PRSS56: variants seen among roughly 807,000 people sequenced by gnomAD.
The protein encoded by PRSS56 is protease, serine 56.
PRSS56 carries 55 observed loss-of-function variants against 66.8 expected under a neutral mutation model. That is an observed-to-expected ratio of 0.82 (90% CI 0.66 to 1.03). The LOEUF (loss-of-function observed/expected upper bound fraction) is 1.03. Ranked by LOEUF, PRSS56 falls within the 50% of genes least tolerant of loss-of-function variation. The pLI is 0.00. For missense variants in PRSS56, 869 were observed against 837.2 expected, an observed-to-expected ratio of 1.04 and a Z score of -0.47; for synonymous variants, 409 against 387.9, an observed-to-expected ratio of 1.05 and a Z score of -0.64.
chr2:232,523,018 C>T lies in PRSS56; in HGVS notation c.707-42C>T, dbSNP rs907431050. The T allele has an allele frequency of 2.6e-6, 4 of 1,526,820 alleles. No homozygotes were observed. The East Asian group carries it at 9.8e-5, about 37-fold the overall frequency. The allele number at this position is 1,526,820 out of a possible 1,614,324, so 94.6% of individuals were successfully genotyped here. Reference sequence around the variant, plus strand: ...TGGGAAGGGGACCCTCAAGGCGGGGCTCTTGCCCTCCAAACCTGAGCCTTC... The same window carrying T: ...TGGGAAGGGGACCCTCAAGGCGGGGTTCTTGCCCTCCAAACCTGAGCCTTC... On this transcript the variant is annotated intron_variant, in intron 6 of 12. Coordinates refer to ENST00000617714, the MANE Select transcript of PRSS56 (RefSeq NM_001195129.2).
chr2:232,523,976 G>T (rs79792358), intron 9 of PRSS56, 31 bp downstream of exon 9: 2 of 1,521,762 alleles, frequency 1.3e-6, no homozygotes, highest in East Asian at 2.5e-5. Flanking sequence ...CCCGGACGGG[G>T]GGCAGAGGGG....
In PRSS56 at chr2:232,522,692, C is replaced by G; in HGVS notation, c.547-10C>G. ...GCTTCCTTGACCCTGCGCCGCCTCC[C>G]CCTCCTCAGTTTGACCCGCGGACCT... is the stretch of plus-strand genomic sequence containing the variant. On this transcript the variant is annotated splice_polypyrimidine_tract_variant and intron_variant, in intron 5 of 12. Coordinates refer to ENST00000617714, the MANE Select transcript of PRSS56 (RefSeq NM_001195129.2). 2.6e-6 allele frequency: 4 copies of G among 1,533,958 alleles called. No homozygotes were observed. The highest frequency in any genetic ancestry group is 2.0e-5 in the Admixed American group (1 of 50,844).
Position 232,523,558 on chromosome 2 carries a change from G to A in PRSS56, c.992G>A (p.Trp331Ter). The A allele has an allele frequency of 6.5e-7, 1 of 1,529,274 alleles. No homozygotes were observed. Among genetic ancestry groups the A allele is most frequent in the Non-Finnish European group, 8.7e-7 (1 of 1,144,494 alleles). 94.7% of individuals were successfully genotyped at this position (1,529,274 alleles called of 1,614,324 possible). The change falls in exon 8 of 13, where the codon TGG becomes TAG. Residue 331 changes from tryptophan (W) to a stop codon, truncating the protein, a stop_gained. Transcript: ENST00000617714. LOFTEE classifies it high-confidence loss of function. The part of the protein sequence containing the change: ...VYTRVAVFKD[W>*]LQEQMSASSS... Reference sequence around the variant, plus strand: ...ACCCGCGTGGCAGTGTTCAAGGACTGGCTCCAGGAGCAGATGAGCGGTGAG... The same window carrying A: ...ACCCGCGTGGCAGTGTTCAAGGACTAGCTCCAGGAGCAGATGAGCGGTGAG...
At position 232,523,760 on chromosome 2, in the gene PRSS56, C is replaced by G; in HGVS notation, c.1013-12C>G. The stretch of plus-strand genomic sequence containing the variant: ...ACAGAGGGTGAGCTGACCCCTGTCC[C>G]GCCCGCAGCAGCCTCCTCCAGCCGC... On this transcript the variant is annotated splice_polypyrimidine_tract_variant and intron_variant, in intron 8 of 12. Transcript: ENST00000617714. 6.5e-7 allele frequency: 1 copy of G among 1,533,968 alleles called. No individual in the cohort carries two copies. The highest frequency in any genetic ancestry group is 8.7e-7 in the Non-Finnish European group (1 of 1,146,686).
chr2:232,522,468 G>T (rs1446929105), intron 4 of PRSS56, 47 bp from the exon 5 acceptor site: 20 of 1,454,428 alleles, frequency 1.4e-5, no homozygotes, highest in Non-Finnish European at 1.8e-5. Flanking sequence ...GGGCCTGCGG[G>T]GTGTGCCCCT....
chr2:232,525,237 A>T lies in PRSS56; in HGVS notation c.1543A>T (p.Lys515Ter), dbSNP rs1691398644. 6.6e-7 allele frequency: 1 copy of T among 1,507,512 alleles called. No homozygotes were observed. The highest frequency in any genetic ancestry group is 8.8e-7 in the Non-Finnish European group (1 of 1,131,940). The allele number at this position is 1,507,512 out of a possible 1,614,324, so 93.4% of individuals were successfully genotyped here. A position where few individuals can be genotyped will look rare whatever the true frequency, so the allele number is the denominator to read the frequency against. The change falls in exon 13 of 13, where the codon AAG (lysine) becomes TAG (stop). Residue 515 changes from lysine (K) to a stop codon, truncating the protein, a stop_gained. Coordinates refer to ENST00000617714, the MANE Select transcript of PRSS56 (RefSeq NM_001195129.2). LOFTEE classifies it low-confidence loss of function (END_TRUNC). ...FHEVLADLGS[K>*]TLTGLFRAWV... ...GTAGGTCCTGGCAGATCTGGGCTCC[A>T]AGACACTGACCGGGCTTTTCAGAGC...
intron 5 of PRSS56, 42 bp from the exon 6 acceptor site, chr2:232,522,660 C>CA: frequency 6.5e-7 from 1 of 1,532,606 alleles, no homozygotes; most frequent in Non-Finnish European, 8.7e-7. Context: ...ACCGCACCCC[C>CA]ACCCGTGCTT....
At chr2:232,523,248 G>GGCCA in intron 7 of PRSS56, 46 bp downstream of exon 7, 1 of 1,423,772 alleles carries the variant, frequency 7.0e-7, no homozygotes, top group East Asian at 2.6e-5. Flanking sequence ...GCCTTCCCAG[G>GGCCA]GCCACTACGG....
At chr2:232,522,945 G>A in intron 6 of PRSS56, 84 bp downstream of exon 6, 3 of 1,407,938 alleles carry the variant, frequency 2.1e-6, no homozygotes, top group Non-Finnish European at 2.8e-6. Context: ...GGTTGCCTTG[G>A]AAAAATGCTG....
At chr2:232,524,644 C>A (rs1691376794) in intron 11 of PRSS56, 94 bp from the exon 12 acceptor site, 1 of 887,172 alleles carries the variant, frequency 1.1e-6, no homozygotes, top group Non-Finnish European at 1.7e-6. Flanking sequence ...AAGTGTGTCC[C>A]CTGGGAGGCC....
At chr2:232,522,291 T>G in intron 4 of PRSS56, 131 bp downstream of exon 4, 1 of 986,648 alleles carries the variant, frequency 1.0e-6, no homozygotes, top group Non-Finnish European at 1.4e-6. Context: ...GGCCCCGGGC[T>G]TCCCCATCTC....
Position 232,524,119 on chromosome 2 carries a change from C to G in PRSS56, c.1267C>G (p.Arg423Gly). Residue 423 changes from arginine (R) to glycine (G), a missense_variant, in exon 10 of 13, where the codon CGC becomes GGC. Arg to Gly is a moderately radical substitution (Grantham distance 125). This residue lies in a region of PRSS56 where 551 missense variants were observed against 506.9 expected (regional missense o/e 1.09). Transcript: ENST00000617714. The part of the protein sequence containing the change: ...ELLGPRPGLR[R>G]LAPALALPAP... ...GCTCGGGCCTCGTCCGGGACTGCGG[C>G]GCCTGGCCCCCGCCCTGGCTCTCCC... 6.6e-7 allele frequency: 1 copy of G among 1,511,114 alleles called. No individual in the cohort carries two copies. The highest frequency in any genetic ancestry group is 8.8e-7 in the Non-Finnish European group (1 of 1,136,728). 93.6% of individuals were successfully genotyped at this position (1,511,114 alleles called of 1,614,324 possible).
In PRSS56 at chr2:232,524,290, A is replaced by C; in HGVS notation, c.1352-17A>C. 1 of 1,535,482 alleles carries C rather than the reference A, an allele frequency of 6.5e-7. No homozygotes were observed. The highest frequency in any genetic ancestry group is 1.2e-5 in the South Asian group (1 of 84,042). ...CTTTCTCCGCCGAGGCGGTACCCTA[A>C]CCCTGTGCCTCCCCAGGATCGCGGG... On this transcript the variant is annotated splice_polypyrimidine_tract_variant and intron_variant, in intron 10 of 12. Transcript: ENST00000617714.
At chr2:232,522,924 T>A in intron 6 of PRSS56, 63 bp downstream of exon 6, 1 of 1,408,026 alleles carries the variant, frequency 7.1e-7, no homozygotes, top group Non-Finnish European at 9.2e-7. Context: ...TAATAGAGTG[T>A]AGGGAGGCCG....
rs1691414106 is a variant in PRSS56 at position 232,525,562 on chromosome 2, G to A, written c.*56G>A. 7.2e-7 allele frequency: 1 copy of A among 1,395,038 alleles called. No homozygotes were observed. Among genetic ancestry groups the A allele is most frequent in the Non-Finnish European group, 9.3e-7 (1 of 1,069,974 alleles). 86.4% of individuals were successfully genotyped at this position (1,395,038 alleles called of 1,614,324 possible). A position where few individuals can be genotyped will look rare whatever the true frequency, so the allele number is the denominator to read the frequency against. ...GACCTACTGCTCCCAGGGGCTGAGA[G>A]GGGTTCGGGAGCATAATGACAAACT... is the stretch of plus-strand genomic sequence containing the variant. On this transcript the variant is annotated 3_prime_UTR_variant, in exon 13 of 13. Transcript: ENST00000617714.
chr2:232,523,641 C>A (rs1158173049), intron 8 of PRSS56, 63 bp downstream of exon 8: 26 of 1,502,572 alleles, frequency 1.7e-5, no homozygotes, highest in Non-Finnish European at 2.1e-5. Flanking sequence ...GGGACAAGCC[C>A]GTTTCCACCC....
At chr2:232,522,945 GA>G in intron 6 of PRSS56, 84 bp downstream of exon 6, 1 of 1,407,930 alleles carries the variant, frequency 7.1e-7, no homozygotes, top group Non-Finnish European at 9.3e-7. Context: ...GGTTGCCTTG[GA>G]AAAATGCTGC....
intron 2 of PRSS56, 103 bp downstream of exon 2, chr2:232,521,531 C>G: frequency 1.0e-6 from 1 of 999,660 alleles, no homozygotes; most frequent in Non-Finnish European, 1.5e-6. Flanking sequence ...CTCTTGGGGG[C>G]AGAGACTGTG....
chr2:232,523,950 G>A lies in PRSS56; in HGVS notation c.1186+5G>A. On this transcript the variant is annotated splice_donor_5th_base_variant and intron_variant, in intron 9 of 12. Coordinates refer to ENST00000617714, the MANE Select transcript of PRSS56 (RefSeq NM_001195129.2). ...TGCAGCGCCGGCGGCGATGCGGTCA[G>A]TTCTGTTCACCCGGACCCGGACGGG... The A allele has an allele frequency of 6.6e-7, 1 of 1,515,916 alleles. No individual in the cohort carries two copies. Among genetic ancestry groups the A allele is most frequent in the Non-Finnish European group, 8.8e-7 (1 of 1,138,452 alleles). The allele number at this position is 1,515,916 out of a possible 1,614,324, so 93.9% of individuals were successfully genotyped here.
Sources: gnomAD v4.1 joint callset for allele counts on GRCh38, gnomAD v4.1.1 for gene constraint, gnomAD v4.1.1 regional missense constraint, MANE v1.5 for transcripts, NCBI Gene and HGNC (gene_info 2026-07-23, HGNC 2026-07-21) for gene names.